The following ZNF490 variants were observed in gnomAD, a reference collection of about 807,000 sequenced individuals.
ZNF490 encodes the protein zinc finger protein 490.
Under a neutral mutation model 17.7 loss-of-function variants are expected in ZNF490, and 11 were observed. The ratio of observed to expected loss-of-function variants is 0.62; its 90% CI spans 0.39 to 1.03. ZNF490 has a LOEUF of 1.03. ZNF490 is among the 50% of genes least tolerant of loss of function. ZNF490 has a pLI of 0.00. For missense variants in ZNF490, 542 were observed against 643.4 expected, an observed-to-expected ratio of 0.84 and a Z score of 1.71; for synonymous variants, 222 against 216.1, an observed-to-expected ratio of 1.03 and a Z score of -0.24.
Position 12,580,362 on chromosome 19 carries a change from G to A in ZNF490, c.*123C>T. The A allele has an allele frequency of 4.7e-6, 7 of 1,478,404 alleles. No homozygotes were observed. The highest frequency in any genetic ancestry group is 6.2e-6 in the Non-Finnish European group (7 of 1,120,074). The allele number at this position is 1,478,404 out of a possible 1,614,324, so 91.6% of individuals were successfully genotyped here. ...GCCGCATGAGTCACGTCTTCAAAGG[G>A]AATTAGGACAACTGAAGGCTTAATC... On this transcript the variant is annotated 3_prime_UTR_variant, in exon 5 of 5. Coordinates refer to ENST00000311437, the MANE Select transcript of ZNF490 (RefSeq NM_020714.3).
At chr19:12,597,420 T>G (rs997297717) in intron 2 of ZNF490, 1 of 278,812 alleles carries the variant, frequency 3.6e-6, no homozygotes, top group Non-Finnish European at 7.3e-6. Flanking sequence ...TGAGCCGAGC[T>G]AGCTTCCCAG....
chr19:12,578,898 T>C lies in ZNF490; in HGVS notation c.*1587A>G. ...CAATGGTTGCAGATGTCATTGAAGA[T>C]GTTCCCATATTGCTTACATTTAAGA... is the stretch of plus-strand genomic sequence containing the variant. On this transcript the variant is annotated 3_prime_UTR_variant, in exon 5 of 5. Coordinates refer to ENST00000311437, the MANE Select transcript of ZNF490 (RefSeq NM_020714.3). The C allele has an allele frequency of 1.0e-6, 1 of 985,452 alleles. No individual in the cohort carries two copies. The highest frequency in any genetic ancestry group is 1.2e-6 in the Non-Finnish European group (1 of 829,936). The allele number at this position is 985,452 out of a possible 1,614,324, so 61.0% of individuals were successfully genotyped here. A position where few individuals can be genotyped will look rare whatever the true frequency, so the allele number is the denominator to read the frequency against.
chr19:12,602,791 G>C (rs2023023546), intron 2 of ZNF490, among the ~76,000 whole-genome samples: 1 of 151,404 alleles, frequency 6.6e-6, no homozygotes, highest in African/African-American at 2.4e-5. Flanking sequence ...CGCCGGGCTA[G>C]TTTTTTGTAT....
At chr19:12,602,595 T>C (rs1214600760) in intron 2 of ZNF490, among the ~76,000 whole-genome samples, 3 of 151,422 alleles carry the variant, frequency 2.0e-5, no homozygotes, top group Non-Finnish European at 4.4e-5. Context: ...AATGGTCATC[T>C]ACACAGTGCA....
At chr19:12,593,598 C>T (rs762585207) in intron 2 of ZNF490, among the ~76,000 whole-genome samples, 2 of 152,166 alleles carry the variant, frequency 1.3e-5, no homozygotes, top group Non-Finnish European at 2.9e-5. Flanking sequence ...CTTAGACAAT[C>T]ACTCAAGAGT....
intron 2 of ZNF490, among the ~76,000 whole-genome samples, chr19:12,589,642 C>A (rs1234169013): frequency 6.7e-6 from 1 of 149,850 alleles, no homozygotes; most frequent in South Asian, 2.1e-4. Flanking sequence ...TCAGAGGCGC[C>A]GTCATAGTGC....
At chr19:12,593,328 A>C (rs2022894968) in intron 2 of ZNF490, among the ~76,000 whole-genome samples, 1 of 151,636 alleles carries the variant, frequency 6.6e-6, no homozygotes, top group African/African-American at 2.4e-5. Flanking sequence ...GCTCACTGCA[A>C]CCTCCGCCTC....
chr19:12,591,620 C>T (rs2022872603), intron 2 of ZNF490, among the ~76,000 whole-genome samples: 1 of 151,912 alleles, frequency 6.6e-6, no homozygotes, highest in South Asian at 2.1e-4. Flanking sequence ...TAAAGCAGCA[C>T]ATCAAAACAT....
rs1212561977 is a variant in ZNF490 at position 12,581,321 on chromosome 19, A to G, written c.754T>C (p.Cys252Arg). 1 of 1,614,016 alleles carries G rather than the reference A, an allele frequency of 6.2e-7. No homozygotes were observed. The highest frequency in any genetic ancestry group is 8.5e-7 in the Non-Finnish European group (1 of 1,180,030). ...RIHTGETPYE[C>R]KECGKAFRYL... The stretch of plus-strand genomic sequence containing the variant: ...CTGAATGCCTTCCCACATTCCTTAC[A>G]TTCATAGGGTGTCTCTCCAGTATGA... Residue 252 changes from cysteine to arginine, a missense_variant, in exon 5 of 5, where the codon TGT (cysteine) becomes CGT (arginine). By Grantham distance (180) the Cys-to-Arg change is radical. Transcript: ENST00000311437.
At chr19:12,608,325 C>T (rs1188051521) in intron 2 of ZNF490, among the ~76,000 whole-genome samples, 1 of 152,052 alleles carries the variant, frequency 6.6e-6, no homozygotes, top group Non-Finnish European at 1.5e-5. Flanking sequence ...GCTCTGTTGC[C>T]CAGGCTAGAG....
chr19:12,606,150 G>C (rs2023066505), intron 2 of ZNF490, among the ~76,000 whole-genome samples: 1 of 151,684 alleles, frequency 6.6e-6, no homozygotes, highest in Middle Eastern at 3.5e-3. Context: ...AAAGTGCAGG[G>C]ATTACAGGCA....
intron 2 of ZNF490, among the ~76,000 whole-genome samples, chr19:12,593,761 A>G (rs2022899399): frequency 6.6e-6 from 1 of 152,140 alleles, no homozygotes; most frequent in Admixed American, 6.6e-5. Context: ...CATGTCAGCC[A>G]TCAAGTCTAC....
At position 12,587,972 on chromosome 19, in the gene ZNF490, C is replaced by T. The variant is rs1226807106; in HGVS notation, c.163-4416G>A. ...ACAACCTCCGCCTCCCAGGTTCAAGCGATTCTTCTGCCTCAGCCTCCTGAG... is the reference window on the plus strand; with the variant it reads ...ACAACCTCCGCCTCCCAGGTTCAAGTGATTCTTCTGCCTCAGCCTCCTGAG... On this transcript the variant is annotated intron_variant, in intron 2 of 4. Transcript: ENST00000311437. Among the ~76,000 whole-genome samples, 5 of 94,812 alleles carry T rather than the reference C, an allele frequency of 5.3e-5. 2 individuals are homozygous for T. The highest frequency in any genetic ancestry group is 0.011 in the Middle Eastern group (2 of 176). 62.2% of individuals were successfully genotyped at this position (94,812 alleles called of 152,430 possible). A position where few individuals can be genotyped will look rare whatever the true frequency, so the allele number is the denominator to read the frequency against.
At chr19:12,589,602 A>G (rs2145148476) in intron 2 of ZNF490, among the ~76,000 whole-genome samples, 1 of 148,476 alleles carries the variant, frequency 6.7e-6, no homozygotes, top group Admixed American at 6.8e-5. Context: ...AGGTCTCACT[A>G]AATTGCCCAG....
intron 2 of ZNF490, among the ~76,000 whole-genome samples, chr19:12,595,173 C>T (rs2022916478): frequency 6.6e-6 from 1 of 152,040 alleles, no homozygotes; most frequent in Admixed American, 6.6e-5. Flanking sequence ...CCGAGTTTCG[C>T]TCTTGTTGTC....
chr19:12,593,657 C>A (rs1204452440), intron 2 of ZNF490, among the ~76,000 whole-genome samples: 1 of 152,198 alleles, frequency 6.6e-6, no homozygotes, highest in African/African-American at 2.4e-5. Context: ...GCTAAGATGA[C>A]TAACTGATGA....
In ZNF490 at chr19:12,578,654, G is replaced by C. The variant is rs2022677110; in HGVS notation, c.*1831C>G. 1.0e-6 allele frequency: 1 copy of C among 985,330 alleles called. No individual in the cohort carries two copies. The highest frequency in any genetic ancestry group is 1.7e-5 in the African/African-American group (1 of 57,226). 61.0% of individuals were successfully genotyped at this position (985,330 alleles called of 1,614,324 possible). Reference sequence around the variant, plus strand: ...CTGTAAGATGCGAACCTTTGTCTTAGAAGTACAGCATTCCCACAGTCTGAC... The same window carrying C: ...CTGTAAGATGCGAACCTTTGTCTTACAAGTACAGCATTCCCACAGTCTGAC... On this transcript the variant is annotated 3_prime_UTR_variant, in exon 5 of 5. Coordinates refer to ENST00000311437, the MANE Select transcript of ZNF490 (RefSeq NM_020714.3).
intron 2 of ZNF490, among the ~76,000 whole-genome samples, chr19:12,584,764 T>C (rs1020612146): frequency 1.1e-5 from 1 of 94,410 alleles, no homozygotes; most frequent in African/African-American, 3.2e-5. Context: ...CAGAAGTCAC[T>C]GGCCATGTTG....
At chr19:12,601,855 T>G (rs947846897) in intron 2 of ZNF490, among the ~76,000 whole-genome samples, 12 of 151,040 alleles carry the variant, frequency 7.9e-5, no homozygotes, top group East Asian at 3.9e-4. Context: ...TTAGCCGGGC[T>G]TGGTGGCAGG....
Sources: allele counts gnomAD v4.1 joint callset (sites outside exome capture counted in the v4.1 genomes callset), GRCh38; gene constraint gnomAD v4.1.1; transcripts MANE v1.5; gene names NCBI Gene and HGNC (gene_info 2026-07-23, HGNC 2026-07-21).